UNC5C: variants seen among roughly 807,000 people sequenced by gnomAD.
The protein encoded by UNC5C is netrin receptor UNC5C.
Under a neutral mutation model 99.8 loss-of-function variants are expected in UNC5C, and 47 were observed. The ratio of observed to expected loss-of-function variants is 0.47; its 90% CI spans 0.37 to 0.60. UNC5C has a LOEUF of 0.60. UNC5C is among the 20% of genes least tolerant of loss of function. The probability of loss-of-function intolerance (pLI) is 0.00; values close to 1 mark genes in which losing one functional copy is unlikely to be tolerated. For synonymous variants in UNC5C, 487 were observed against 452.2 expected (o/e 1.08, Z -0.98); for missense variants, 1,062 against 1,165.9 (o/e 0.91, Z 1.30).
At chr4:95,335,857 G>T (rs1399007131) in intron 1 of UNC5C, among the ~76,000 whole-genome samples, 1 of 151,858 alleles carries the variant, frequency 6.6e-6, no homozygotes, top group African/African-American at 2.4e-5. Flanking sequence ...GGATAAGTAA[G>T]TTGCCCTGAG....
chr4:95,403,222 C>T (rs12510417), intron 1 of UNC5C, among the ~76,000 whole-genome samples: 46,097 of 152,124 alleles, frequency 0.3, 10,911 homozygotes, highest in East Asian at 0.64. Context: ...AAATAAGCCT[C>T]TGAGTATTAT....
chr4:95,494,671 A>G (rs1721583574), intron 1 of UNC5C, among the ~76,000 whole-genome samples: 1 of 151,540 alleles, frequency 6.6e-6, no homozygotes, highest in Admixed American at 6.6e-5. Context: ...TCTAAGAGGC[A>G]ATGCTAAGCT....
chr4:95,420,682 G>GTTAA (rs1746293891), intron 1 of UNC5C, among the ~76,000 whole-genome samples: 1 of 151,866 alleles, frequency 6.6e-6, no homozygotes, highest in Non-Finnish European at 1.5e-5. Flanking sequence ...TAAAAAGGTA[G>GTTAA]AAAACATTAT....
intron 1 of UNC5C, among the ~76,000 whole-genome samples, chr4:95,480,208 C>A (rs569718126): frequency 6.7e-6 from 1 of 149,274 alleles, no homozygotes; most frequent in African/African-American, 2.5e-5. Context: ...TATATGTATA[C>A]ACAAGTATAC....
rs976579303 is a variant in UNC5C, at chr4:95,384,297, G to A, written c.125-48666C>T. 7.2e-5 allele frequency among the ~76,000 whole-genome samples: 11 copies of A among 152,250 alleles called. No individual in the cohort carries two copies. The South Asian group carries it at 8.3e-4, about 11-fold the overall frequency. ...TAGCCTCTATCCTTAAAAAGCACAC[G>A]GTGTCATGGAGAGAGAGGTTGAAAA... is the stretch of plus-strand genomic sequence containing the variant. On this transcript the variant is annotated intron_variant, in intron 1 of 15. Coordinates refer to ENST00000453304, the MANE Select transcript of UNC5C (RefSeq NM_003728.4).
At chr4:95,190,409 C>A (rs866603883) in intron 12 of UNC5C, among the ~76,000 whole-genome samples, 15 of 152,122 alleles carry the variant, frequency 9.9e-5, no homozygotes, top group African/African-American at 3.4e-4. Context: ...TTAATGGGTG[C>A]AGCACACCAA....
intron 7 of UNC5C, among the ~76,000 whole-genome samples, chr4:95,232,719 A>G (rs1738958833): frequency 6.6e-6 from 1 of 152,180 alleles, no homozygotes; most frequent in Non-Finnish European, 1.5e-5. Context: ...CCCTGCTTTC[A>G]AAACCAGGAA....
In UNC5C at chr4:95,218,974, T is replaced by G; in HGVS notation, c.1640A>C (p.Asn547Thr). The G allele has an allele frequency of 6.3e-7, 1 of 1,598,150 alleles. No individual in the cohort carries two copies. Among genetic ancestry groups the G allele is most frequent in the South Asian group, 1.1e-5 (1 of 89,600 alleles). ...TTTAAACCTCTAGGAATTACCTGAA[T>G]TGGGAACAATAAGGTGACCTCCCAG... Reference protein sequence around the residue: ...NSLGGHLIVPNSGVSLLIPAG... With the variant: ...NSLGGHLIVPTSGVSLLIPAG... The change falls in exon 9 of 16, where the codon AAT becomes ACT. Residue 547 changes from asparagine to threonine, a missense_variant. By Grantham distance (65) the Asn-to-Thr change is moderately conservative. Coordinates refer to ENST00000453304, the MANE Select transcript of UNC5C (RefSeq NM_003728.4).
At chr4:95,457,406 A>G (rs772588286) in intron 1 of UNC5C, among the ~76,000 whole-genome samples, 10 of 152,126 alleles carry the variant, frequency 6.6e-5, no homozygotes, top group Non-Finnish European at 1.3e-4. Context: ...TTCTCTATCC[A>G]TCTGCCAAAT....
intron 4 of UNC5C, among the ~76,000 whole-genome samples, chr4:95,269,643 T>G (rs1197211463): frequency 6.6e-6 from 1 of 152,074 alleles, no homozygotes; most frequent in Non-Finnish European, 1.5e-5. Context: ...GGTCTGAGAT[T>G]CTAAGCTCCT....
intron 4 of UNC5C, among the ~76,000 whole-genome samples, chr4:95,274,232 G>T (rs1252836173): frequency 2.0e-5 from 3 of 152,068 alleles, no homozygotes; most frequent in Non-Finnish European, 4.4e-5. Flanking sequence ...TATTCGATGT[G>T]GAAACAGTTC....
chr4:95,262,757 A>G (rs1196262473), intron 4 of UNC5C, among the ~76,000 whole-genome samples: 1 of 152,172 alleles, frequency 6.6e-6, no homozygotes, highest in Non-Finnish European at 1.5e-5. Context: ...GTAAAAACCT[A>G]TGGGGGAAAT....
chr4:95,517,843 A>G (rs1722255692), intron 1 of UNC5C, among the ~76,000 whole-genome samples: 1 of 152,282 alleles, frequency 6.6e-6, no homozygotes, highest in South Asian at 2.1e-4. Context: ...GCTGTAAATT[A>G]TGTTAAGTAA....
chr4:95,311,127 T>C (rs1282400283), intron 2 of UNC5C, among the ~76,000 whole-genome samples: 1 of 152,132 alleles, frequency 6.6e-6, no homozygotes, highest in Non-Finnish European at 1.5e-5. Flanking sequence ...AACGAATTGC[T>C]AGAAATCAAC....
chr4:95,180,013 C>CT (rs397825464), intron 14 of UNC5C, among the ~76,000 whole-genome samples: 2 of 151,860 alleles, frequency 1.3e-5, no homozygotes, highest in African/African-American at 4.8e-5. Flanking sequence ...AGACCCCCCC[C>CT]ACGGATTGAA....
At chr4:95,396,046 TC>T (rs1745499639) in intron 1 of UNC5C, among the ~76,000 whole-genome samples, 2 of 152,162 alleles carry the variant, frequency 1.3e-5, no homozygotes, top group Admixed American at 1.3e-4. Flanking sequence ...TTAGGAACCA[TC>T]CGGCAGGCTA....
At chr4:95,439,031 A>G (rs1466122721) in intron 1 of UNC5C, among the ~76,000 whole-genome samples, 1 of 152,132 alleles carries the variant, frequency 6.6e-6, no homozygotes, top group East Asian at 1.9e-4. Context: ...CTTTGTTTTC[A>G]ATCTTTAAAT....
chr4:95,335,631 T>A lies in UNC5C; in HGVS notation c.125A>T (p.Asp42Val). ...SASGTGSAAQDDDFFHELPET... is the reference protein window; with the variant it reads ...SASGTGSAAQVDDFFHELPET... ...TGGGAGTTCATGAAAAAAGTCATCATCTGAGAAAGAAGAAGAAAGTGGAAG... is the reference window on the plus strand; with the variant it reads ...TGGGAGTTCATGAAAAAAGTCATCAACTGAGAAAGAAGAAGAAAGTGGAAG... Residue 42 changes from aspartate to valine, a missense_variant and splice_region_variant, in exon 2 of 16, where the codon GAT (aspartate) becomes GTT (valine). Physicochemically the swap from Asp to Val is radical, Grantham distance 152. Coordinates refer to ENST00000453304, the MANE Select transcript of UNC5C (RefSeq NM_003728.4). 6.2e-7 allele frequency: 1 copy of A among 1,603,940 alleles called. No homozygotes were observed. Among genetic ancestry groups the A allele is most frequent in the Non-Finnish European group, 8.5e-7 (1 of 1,175,944 alleles).
chr4:95,312,818 G>T (rs908849744), intron 2 of UNC5C, among the ~76,000 whole-genome samples: 1 of 152,152 alleles, frequency 6.6e-6, no homozygotes, highest in Admixed American at 6.5e-5. Context: ...TAGTAAAGAA[G>T]TCTGTTTAGT....
Sources: gnomAD v4.1 joint callset for allele counts (sites outside exome capture counted in the v4.1 genomes callset) on GRCh38, gnomAD v4.1.1 for gene constraint, MANE v1.5 for transcripts, NCBI Gene and HGNC (gene_info 2026-07-23, HGNC 2026-07-21) for gene names.